AHRR: variants seen among roughly 807,000 people sequenced by gnomAD.
The protein encoded by AHRR is ahR repressor.
In AHRR, 28 loss-of-function variants were observed where a neutral mutation model predicts 44.0. That is an observed-to-expected ratio of 0.64 (90% CI 0.47 to 0.87). The LOEUF (loss-of-function observed/expected upper bound fraction) is 0.87. Among genes scored for constraint, AHRR ranks in the 40% least tolerant of loss-of-function variants. The pLI is 0.00. For missense variants in AHRR, 990 were observed against 953.9 expected (o/e 1.04, Z -0.50); for synonymous variants, 434 against 407.0 (o/e 1.07, Z -0.80).
At chr5:386,511 G>C (rs1734172892) in intron 4 of AHRR, among the ~76,000 whole-genome samples, 1 of 152,248 alleles carries the variant, frequency 6.6e-6, no homozygotes, top group Non-Finnish European at 1.5e-5. Flanking sequence ...GGGTCAGAGT[G>C]ATGCTGCATA....
intron 5 of AHRR, among the ~76,000 whole-genome samples, chr5:416,242 A>G (rs1735806936): frequency 1.3e-5 from 2 of 152,222 alleles, no homozygotes. Flanking sequence ...TTGGGAACGC[A>G]GTGCAGGGTG....
chr5:407,698 C>G (rs1016395281), intron 4 of AHRR, among the ~76,000 whole-genome samples: 2 of 152,202 alleles, frequency 1.3e-5, no homozygotes, highest in Non-Finnish European at 2.9e-5. Flanking sequence ...CGCCACCACA[C>G]CCAGCTAATT....
Position 422,833 on chromosome 5 carries a change from T to G in AHRR, c.546T>G (p.Phe182Leu), listed in dbSNP as rs758866636. 2.5e-6 allele frequency: 4 copies of G among 1,613,834 alleles called. No individual in the cohort carries two copies. The highest frequency in any genetic ancestry group is 3.4e-6 in the Non-Finnish European group (4 of 1,179,820). ...HWAMDPPQVV[F>L]GQPPPLETGD... ...CCATGGACCCTCCCCAGGTGGTGTT[T>G]GGGCAGCCCCCGCCCTTGGAGACAG... The change falls in exon 6 of 11, where the codon TTT becomes TTG. Residue 182 changes from phenylalanine to leucine, a missense_variant. Physicochemically the swap from Phe to Leu is conservative, Grantham distance 22. Transcript: ENST00000684583.
At position 434,658 on chromosome 5, in the gene AHRR, G is replaced by A. The variant is rs1364201474; in HGVS notation, c.1918G>A (p.Gly640Ser). 7 of 1,566,186 alleles carry A rather than the reference G, an allele frequency of 4.5e-6. No homozygotes were observed. In the East Asian group the frequency reaches 1.2e-4, roughly 27 times the overall value. Residue 640 changes from glycine to serine, a missense_variant, in exon 11 of 11, where the codon GGT becomes AGT. Coordinates refer to ENST00000684583, the MANE Select transcript of AHRR (RefSeq NM_001377236.1). ...PPHQLCARGR[G>S]EQSCTCRAAE... ...CCACCAGCTCTGTGCACGGGGCCGA[G>A]GTGAACAGTCCTGCACCTGCAGAGC... is the stretch of plus-strand genomic sequence containing the variant.
intron 4 of AHRR, among the ~76,000 whole-genome samples, chr5:393,474 C>T (rs962867874): frequency 4.6e-5 from 7 of 152,330 alleles, no homozygotes; most frequent in South Asian, 2.1e-4. Context: ...TGTCTTCGTG[C>T]GTGGACGGTA....
At position 356,496 on chromosome 5, in the gene AHRR, C is replaced by T. The variant is rs374147895; in HGVS notation, c.244+2585C>T. On this transcript the variant is annotated intron_variant, in intron 3 of 10. Transcript: ENST00000684583. The stretch of plus-strand genomic sequence containing the variant: ...GCCCGCGAGTGGAGGCCCTCAGTCA[C>T]GGAGTCCACCCGGGCAGTCAGCGAC... 5.6e-3 allele frequency among the ~76,000 whole-genome samples: 830 copies of T among 148,638 alleles called. 1 individual carries two copies. Among genetic ancestry groups the T allele is most frequent in the South Asian group, 0.015 (66 of 4,544 alleles).
At chr5:351,828 T>C (rs1742868866) in intron 2 of AHRR, among the ~76,000 whole-genome samples, 1 of 152,362 alleles carries the variant, frequency 6.6e-6, no homozygotes, top group Non-Finnish European at 1.5e-5. Flanking sequence ...CAGTGAGAAA[T>C]GGAGTTTGTG....
In AHRR at chr5:432,514, T is replaced by C; in HGVS notation, c.960T>C (p.Asn320=). 6.2e-7 allele frequency: 1 copy of C among 1,614,082 alleles called. No individual in the cohort carries two copies. The highest frequency in any genetic ancestry group is 8.5e-7 in the Non-Finnish European group (1 of 1,179,926). The change falls in exon 9 of 11, where the codon AAT becomes AAC. Residue 320 remains asparagine, a synonymous_variant. Transcript: ENST00000684583. ...LCESELHGKP[N]YSAGRSSRES... ...AATCGGAACTGCATGGAAAACCCAA[T>C]TACTCAGCAGGTACTTAGAACATTT...
At chr5:373,980 C>A (rs1037338150) in intron 3 of AHRR, among the ~76,000 whole-genome samples, 4 of 151,716 alleles carry the variant, frequency 2.6e-5, no homozygotes, top group African/African-American at 9.7e-5. Flanking sequence ...GGGAGGGGCG[C>A]GCCCCTGCCG....
chr5:420,364 AAAG>A (rs1222574387), intron 5 of AHRR, among the ~76,000 whole-genome samples: 4 of 152,306 alleles, frequency 2.6e-5, no homozygotes, highest in South Asian at 4.1e-4. Flanking sequence ...GTCAAGGGAG[AAAG>A]AAGGAGCCCC....
chr5:379,211 G>A (rs1429649644), intron 4 of AHRR, among the ~76,000 whole-genome samples: 1 of 152,200 alleles, frequency 6.6e-6, no homozygotes, highest in Non-Finnish European at 1.5e-5. Context: ...CGGGTCACCA[G>A]CTGGTTTCTT....
At position 404,457 on chromosome 5, in the gene AHRR, G is replaced by A. The variant is rs754758375; in HGVS notation, c.352-8887G>A. The A allele has an allele frequency of 5.8e-5, 30 of 513,122 alleles. No homozygotes were observed. Among genetic ancestry groups the A allele is most frequent in the Middle Eastern group, 4.5e-4 (1 of 2,222 alleles). 31.8% of individuals were successfully genotyped at this position (513,122 alleles called of 1,614,324 possible). A position where few individuals can be genotyped will look rare whatever the true frequency, so the allele number is the denominator to read the frequency against. On this transcript the variant is annotated intron_variant, in intron 4 of 10. Transcript: ENST00000684583. This position sits in a 1 kb window ranked among gnomAD's most constrained non-coding sequence, Gnocchi z 4.1. ...AGGGGACCACTGTGCTGGTGCTGTC[G>A]TGCACGGTGTGTTCACCAAAACATC...
At chr5:328,231 T>A (rs564629666) in intron 1 of AHRR, among the ~76,000 whole-genome samples, 2 of 151,286 alleles carry the variant, frequency 1.3e-5, no homozygotes, top group East Asian at 3.9e-4. Context: ...AGTTCCCTTT[T>A]CTCTGCATCC....
intron 4 of AHRR, among the ~76,000 whole-genome samples, chr5:398,101 G>GT (rs1579666624): frequency 8.9e-6 from 1 of 111,896 alleles, no homozygotes; most frequent in Non-Finnish European, 1.7e-5. Flanking sequence ...GACCATCCAC[G>GT]TAGCTCCTGA....
chr5:328,012 C>T (rs1741772817), intron 1 of AHRR, among the ~76,000 whole-genome samples: 1 of 152,068 alleles, frequency 6.6e-6, no homozygotes, highest in African/African-American at 2.4e-5. Context: ...TCAATTCCCA[C>T]CTATGAGTGA....
At chr5:415,409 G>GCGGGAGGCC (rs1735705936) in intron 5 of AHRR, among the ~76,000 whole-genome samples, 3 of 63,512 alleles carry the variant, frequency 4.7e-5, no homozygotes, top group African/African-American at 1.2e-4. Flanking sequence ...GCCTGGTCGG[G>GCGGGAGGCC]TGGGAGGCCT....
intron 7 of AHRR, among the ~76,000 whole-genome samples, chr5:425,204 C>T (rs1278680112): frequency 6.6e-6 from 1 of 152,270 alleles, no homozygotes; most frequent in African/African-American, 2.4e-5. Flanking sequence ...GTGTCTTTCC[C>T]ACCCACTGGG....
rs892370171 is a variant in AHRR, at chr5:326,546, T to C, written c.-11+4727T>C. Among the ~76,000 whole-genome samples the C allele has an allele frequency of 6.6e-6, 1 of 152,342 alleles. No homozygotes were observed. The stretch of plus-strand genomic sequence containing the variant: ...GGCTACTGTGAATTATGATGGGCAT[T>C]TGTATGCAGGTTTCTGTTAGAACAA... On this transcript the variant is annotated intron_variant, in intron 1 of 10. Coordinates refer to ENST00000684583, the MANE Select transcript of AHRR (RefSeq NM_001377236.1). The surrounding 1 kb of genome is among the most constrained non-coding windows in gnomAD (Gnocchi z 4.1).
chr5:421,112 G>T lies in AHRR; in HGVS notation c.442-1617G>T. ...CAAACATTGGCCAGAAGGTGCAGCG[G>T]CTGGAGCGTTCGCGCCTTAACTGGA... On this transcript the variant is annotated intron_variant, in intron 5 of 10. Transcript: ENST00000684583. 6.9e-5 allele frequency: 38 copies of T among 551,320 alleles called. 1 individual carries two copies. In the South Asian group the frequency reaches 8.1e-4, roughly 12 times the overall value. The allele number at this position is 551,320 out of a possible 1,614,324, so 34.2% of individuals were successfully genotyped here. A position where few individuals can be genotyped will look rare whatever the true frequency, so the allele number is the denominator to read the frequency against.
Sources: allele counts gnomAD v4.1 joint callset (sites outside exome capture counted in the v4.1 genomes callset), GRCh38; gene constraint gnomAD v4.1.1; non-coding constraint Gnocchi (gnomAD v3.1); transcripts MANE v1.5; gene names NCBI Gene and HGNC (gene_info 2026-07-23, HGNC 2026-07-21).